Variants in MIPOL1 observed in about 807,000 individuals in gnomAD.
The protein encoded by MIPOL1 is mirror-image polydactyly 1.
A neutral mutation model predicts 60.9 loss-of-function variants in MIPOL1; 57 were observed. The observed-to-expected ratio is 0.94, with a 90% CI of 0.76 to 1.17. MIPOL1 has a LOEUF of 1.17. Among genes scored for constraint, MIPOL1 ranks in the 50% most tolerant of loss-of-function variants. The pLI, the probability that MIPOL1 is intolerant of heterozygous loss-of-function variation, is 0.00. For synonymous variants in MIPOL1, 179 were observed against 168.8 expected, an observed-to-expected ratio of 1.06 and a Z score of -0.47; for missense variants, 551 against 511.6, an observed-to-expected ratio of 1.08 and a Z score of -0.74.
intron 11 of MIPOL1, among the ~76,000 whole-genome samples, chr14:37,458,442 A>G (rs2153580016): frequency 6.6e-6 from 1 of 152,320 alleles, no homozygotes; most frequent in African/African-American, 2.4e-5. Flanking sequence ...TAATAAATTC[A>G]ACAGAATGGA....
intron 10 of MIPOL1, among the ~76,000 whole-genome samples, chr14:37,410,343 A>G (rs2093661282): frequency 6.6e-6 from 1 of 152,160 alleles, no homozygotes; most frequent in Non-Finnish European, 1.5e-5. Flanking sequence ...TGTACCCTAA[A>G]ACTTAAAGTA....
chr14:37,408,836 A>G (rs1198001525), intron 10 of MIPOL1, among the ~76,000 whole-genome samples: 1 of 152,110 alleles, frequency 6.6e-6, no homozygotes, highest in Non-Finnish European at 1.5e-5. Context: ...CCTGGATGAA[A>G]CAGTTTCATC....
rs1251166859 is a variant in MIPOL1 at position 37,276,127 on chromosome 14, C to A, written c.493+5602C>A. 2.0e-5 allele frequency among the ~76,000 whole-genome samples: 3 copies of A among 151,078 alleles called. No homozygotes were observed. The East Asian group carries it at 5.8e-4, about 29-fold the overall frequency. On this transcript the variant is annotated intron_variant, in intron 6 of 12. Coordinates refer to ENST00000684589, the MANE Select transcript of MIPOL1 (RefSeq NM_001388067.1). The stretch of plus-strand genomic sequence containing the variant: ...CCTTTCTCTCTCTCTATTATCTAAT[C>A]TATCTTACTGCATTTTAACATGTAA...
chr14:37,254,351 G>A (rs1028260988), intron 3 of MIPOL1, among the ~76,000 whole-genome samples: 1 of 151,734 alleles, frequency 6.6e-6, no homozygotes, highest in African/African-American at 2.4e-5. Flanking sequence ...TTTCTAACTG[G>A]TTATGACATT....
intron 3 of MIPOL1, among the ~76,000 whole-genome samples, chr14:37,260,330 T>C (rs2082434998): frequency 6.6e-6 from 1 of 152,012 alleles, no homozygotes; most frequent in African/African-American, 2.4e-5. Flanking sequence ...ATATATCCAC[T>C]GTTTTGTTCC....
At chr14:37,512,246 CA>C (rs1566749205) in intron 12 of MIPOL1, among the ~76,000 whole-genome samples, 1 of 150,986 alleles carries the variant, frequency 6.6e-6, no homozygotes, top group Non-Finnish European at 1.5e-5. Flanking sequence ...ATTGGTGTTA[CA>C]AAGAAATTGT....
chr14:37,473,284 G>A (rs1193124710), intron 11 of MIPOL1, among the ~76,000 whole-genome samples: 3 of 152,048 alleles, frequency 2.0e-5, no homozygotes, highest in Non-Finnish European at 4.4e-5. Flanking sequence ...TCCACCATGG[G>A]CAGAGGCAGC....
chr14:37,261,073 T>A (rs1472405531), intron 3 of MIPOL1, among the ~76,000 whole-genome samples: 2 of 152,050 alleles, frequency 1.3e-5, no homozygotes, highest in East Asian at 3.9e-4. Flanking sequence ...TTCTGTAATG[T>A]ATTAGTTTTA....
At chr14:37,445,076 G>T (rs1337625455) in intron 11 of MIPOL1, among the ~76,000 whole-genome samples, 1 of 152,138 alleles carries the variant, frequency 6.6e-6, no homozygotes, top group Admixed American at 6.6e-5. Flanking sequence ...TTCTGGCCAG[G>T]TCAATTAGGC....
chr14:37,394,082 A>ATATATATATATATATC (rs1461974156), intron 10 of MIPOL1, among the ~76,000 whole-genome samples: 4 of 136,336 alleles, frequency 2.9e-5, no homozygotes, highest in African/African-American at 1.1e-4. Flanking sequence ...ATATATATAT[A>ATATATATATATATATC]TATCTCCATG....
chr14:37,277,495 A>G (rs1014156432), intron 6 of MIPOL1: 4 of 151,352 alleles, frequency 2.6e-5, no homozygotes, highest in Non-Finnish European at 3.0e-5. Flanking sequence ...AGCATAGAGC[A>G]TATTTTCAGA....
At chr14:37,488,329 C>A (rs2094986518) in intron 11 of MIPOL1, among the ~76,000 whole-genome samples, 1 of 152,140 alleles carries the variant, frequency 6.6e-6, no homozygotes, top group Admixed American at 6.5e-5. Context: ...CTGTAGATGT[C>A]TATTAGGTCC....
intron 10 of MIPOL1, among the ~76,000 whole-genome samples, chr14:37,395,539 A>T (rs2093355514): frequency 6.6e-6 from 1 of 151,938 alleles, no homozygotes; most frequent in South Asian, 2.1e-4. Flanking sequence ...GGGTTGAGTC[A>T]TTGATTTGAT....
chr14:37,494,863 A>G (rs2095096702), intron 11 of MIPOL1, among the ~76,000 whole-genome samples: 2 of 152,180 alleles, frequency 1.3e-5, no homozygotes, highest in South Asian at 4.1e-4. Context: ...TGCTTGGGAA[A>G]GCCTTGATGG....
chr14:37,374,268 T>C lies in MIPOL1; in HGVS notation c.936+4644T>C, dbSNP rs527783120. ...GGGGTAAATTTGTTTAAGTTATTTG[T>C]AGATTCTGGATATTAGCCCTTTGTC... On this transcript the variant is annotated intron_variant, in intron 10 of 12. Coordinates refer to ENST00000684589, the MANE Select transcript of MIPOL1 (RefSeq NM_001388067.1). Among the ~76,000 whole-genome samples the C allele has an allele frequency of 5.3e-5, 8 of 152,340 alleles. No individual in the cohort carries two copies. The East Asian group carries it at 1.5e-3, about 29-fold the overall frequency.
chr14:37,385,192 G>A (rs2093031700), intron 10 of MIPOL1, among the ~76,000 whole-genome samples: 1 of 152,044 alleles, frequency 6.6e-6, no homozygotes, highest in Admixed American at 6.6e-5. Context: ...GGGAGGGTGT[G>A]TAAGGTTGGG....
intron 1 of MIPOL1, among the ~76,000 whole-genome samples, chr14:37,243,098 G>A (rs1972611075): frequency 6.6e-6 from 1 of 152,170 alleles, no homozygotes; most frequent in South Asian, 2.1e-4. Context: ...GAATATCTTT[G>A]TACATAAAAA....
In MIPOL1 at chr14:37,234,366, T is replaced by C. The variant is rs199902674; in HGVS notation, c.-198-12737T>C. ...TTTTTCTTTTCTTTTCTTTTCTTTT[T>C]TTTTTTTTCAGGTGGGATCTTGCTG... is the stretch of plus-strand genomic sequence containing the variant. On this transcript the variant is annotated intron_variant, in intron 1 of 12. Transcript: ENST00000684589. Among the ~76,000 whole-genome samples the C allele has an allele frequency of 4.6e-5, 7 of 151,680 alleles. No homozygotes were observed. The East Asian group carries it at 7.7e-4, about 17-fold the overall frequency.
intron 12 of MIPOL1, among the ~76,000 whole-genome samples, chr14:37,509,528 C>T (rs767639887): frequency 6.6e-6 from 1 of 151,670 alleles, no homozygotes. Context: ...TGGGTGCTGG[C>T]AAGAGGAACA....
Sources: gnomAD v4.1 joint callset for allele counts (sites outside exome capture counted in the v4.1 genomes callset) on GRCh38, gnomAD v4.1.1 for gene constraint, MANE v1.5 for transcripts, NCBI Gene and HGNC (gene_info 2026-07-23, HGNC 2026-07-21) for gene names.